Variants in NFASC observed in about 807,000 individuals in gnomAD.
The protein encoded by NFASC is neurofascin.
NFASC carries 43 observed loss-of-function variants against 147.5 expected under a neutral mutation model. The ratio of observed to expected loss-of-function variants is 0.29; its 90% confidence interval spans 0.23 to 0.38. NFASC has a LOEUF of 0.38. Ranked by LOEUF, NFASC falls within the 10% of genes least tolerant of loss-of-function variation. NFASC has a pLI of 1.00. For synonymous variants in NFASC, 622 were observed against 665.5 expected (o/e 0.93, Z 1.01); for missense variants, 1,320 against 1,689.0 (o/e 0.78, Z 3.83).
chr1:204,976,530 G>A, intron 15 of NFASC, 141 bp from the exon 16 acceptor site: 1 of 654,318 alleles, frequency 1.5e-6, no homozygotes, highest in Non-Finnish European at 2.8e-6. Context: ...CTCTGTCAAA[G>A]CATTGAGAGG....
chr1:204,955,125 A>G (rs1465725275), intron 7 of NFASC, among the ~76,000 whole-genome samples, 174 bp downstream of exon 7: 1 of 152,040 alleles, frequency 6.6e-6, no homozygotes, highest in East Asian at 1.9e-4. Flanking sequence ...GCTTGGGCTT[A>G]TTTTCTAGCC....
intron 8 of NFASC, among the ~76,000 whole-genome samples, chr1:204,965,382 A>G (rs1370078598): frequency 6.6e-6 from 1 of 152,156 alleles, no homozygotes; most frequent in African/African-American, 2.4e-5. Context: ...CAGCTCTAGT[A>G]TCCTTCCTAG....
intron 1 of NFASC, among the ~76,000 whole-genome samples, chr1:204,833,084 C>G (rs1278989412): frequency 6.6e-6 from 1 of 152,184 alleles, no homozygotes; most frequent in Non-Finnish European, 1.5e-5. Flanking sequence ...CTTTGCTGAC[C>G]CAGGACATTG....
Position 204,979,228 on chromosome 1 carries a change from T to A in NFASC, c.1979-134T>A. 1.0e-6 allele frequency: 1 copy of A among 963,030 alleles called. No individual in the cohort carries two copies. The highest frequency in any genetic ancestry group is 1.6e-6 in the Non-Finnish European group (1 of 616,960). The allele number at this position is 963,030 out of a possible 1,614,324, so 59.7% of individuals were successfully genotyped here. On this transcript the variant is annotated intron_variant, in intron 18 of 29. Transcript: ENST00000339876. This position sits in a 1 kb window ranked among gnomAD's most constrained non-coding sequence, Gnocchi z 6.0. The stretch of plus-strand genomic sequence containing the variant: ...AGGCCTTGGTGTCTCTTCCTGTGCC[T>A]TGGGAAGAATTCTCCTTGTGCCTTT...
At chr1:204,938,048 T>C (rs2093026429) in intron 2 of NFASC, among the ~76,000 whole-genome samples, 1 of 152,188 alleles carries the variant, frequency 6.6e-6, no homozygotes, top group Non-Finnish European at 1.5e-5. Flanking sequence ...TCCTTGTCAC[T>C]TCAGATGTGT....
intron 1 of NFASC, among the ~76,000 whole-genome samples, chr1:204,907,263 G>A (rs912309664): frequency 5.3e-5 from 8 of 152,168 alleles, no homozygotes; most frequent in Non-Finnish European, 1.2e-4. Flanking sequence ...CATCTTCAAT[G>A]AAGTGTCTGT....
At chr1:204,924,576 G>A (rs139339331) in intron 2 of NFASC, among the ~76,000 whole-genome samples, 176 of 152,312 alleles carry the variant, frequency 1.2e-3, no homozygotes, top group African/African-American at 3.7e-3. Context: ...AGAAACCATG[G>A]CAAAGGCAGG....
At chr1:204,854,486 C>T (rs967380851) in intron 1 of NFASC, among the ~76,000 whole-genome samples, 1 of 152,074 alleles carries the variant, frequency 6.6e-6, no homozygotes, top group Non-Finnish European at 1.5e-5. Flanking sequence ...AGGGAGGGGA[C>T]CCTGGGACAG....
At chr1:205,003,464 ATC>A (rs932055290) in intron 27 of NFASC, among the ~76,000 whole-genome samples, 41 of 152,206 alleles carry the variant, frequency 2.7e-4, no homozygotes, top group Non-Finnish European at 2.9e-5. Context: ...AGGTTCAGCA[ATC>A]TCTGTGCTAG....
chr1:204,952,149 C>T (rs767675813), intron 5 of NFASC, 33 bp downstream of exon 5: 10 of 1,501,692 alleles, frequency 6.7e-6, no homozygotes, highest in African/African-American at 5.5e-5. Flanking sequence ...GCATTGAAAC[C>T]ACCCGCTTGC....
At chr1:204,874,392 G>A (rs886855300) in intron 1 of NFASC, among the ~76,000 whole-genome samples, 3 of 152,240 alleles carry the variant, frequency 2.0e-5, no homozygotes, top group East Asian at 1.9e-4. Flanking sequence ...GGTGAGCATC[G>A]TCTTCTGGTG....
chr1:204,936,277 C>G (rs1464110985), intron 2 of NFASC, among the ~76,000 whole-genome samples: 1 of 138,846 alleles, frequency 7.2e-6, no homozygotes. Flanking sequence ...TCTTGGCTCA[C>G]TGCAACCTCC....
rs371036080 is a variant in NFASC, at chr1:204,975,306, G to A, written c.1594G>A (p.Val532Met). Residue 532 changes from valine (V) to methionine (M), a missense_variant, in exon 15 of 30, where the codon GTG becomes ATG. Val to Met is a conservative substitution (Grantham distance 21). This residue lies in a region of NFASC where 981 missense variants were observed against 1,289.5 expected (regional missense o/e 0.76). Transcript: ENST00000339876. The surrounding 1 kb of genome is among the most constrained non-coding windows in gnomAD (Gnocchi z 4.0). The part of the protein sequence containing the change: ...TRIYRMPEDQ[V>M]ARRGTTVQLE... ...GATCTACCGGATGCCCGAGGACCAG[G>A]TGGCCAGAAGGGGCACCACGGTGCA... 6.2e-7 allele frequency: 1 copy of A among 1,613,922 alleles called. No individual in the cohort carries two copies. The highest frequency in any genetic ancestry group is 2.2e-5 in the East Asian group (1 of 44,868).
intron 2 of NFASC, among the ~76,000 whole-genome samples, chr1:204,930,002 A>G (rs1417432642): frequency 6.6e-6 from 1 of 152,116 alleles, no homozygotes; most frequent in Non-Finnish European, 1.5e-5. Context: ...AGAGGGCAGG[A>G]GGGGAAGTGG....
intron 1 of NFASC, among the ~76,000 whole-genome samples, chr1:204,903,430 A>G (rs938123027): frequency 2.6e-5 from 4 of 152,228 alleles, no homozygotes; most frequent in Non-Finnish European, 5.9e-5. Context: ...ATTGAGGTCC[A>G]GTAGGGAAAC....
intron 1 of NFASC, among the ~76,000 whole-genome samples, chr1:204,834,990 C>T (rs188362510): frequency 1.3e-4 from 20 of 152,194 alleles, no homozygotes; most frequent in Admixed American, 9.8e-4. Context: ...TCATCATCAC[C>T]AAGCACCTGC....
intron 1 of NFASC, among the ~76,000 whole-genome samples, chr1:204,915,992 G>T (rs983008926): frequency 6.6e-6 from 1 of 152,210 alleles, no homozygotes; most frequent in Non-Finnish European, 1.5e-5. Flanking sequence ...CCTGTCATCA[G>T]TCCGACATGC....
chr1:204,870,030 G>A (rs1267194519), intron 1 of NFASC, among the ~76,000 whole-genome samples: 1 of 152,170 alleles, frequency 6.6e-6, no homozygotes, highest in African/African-American at 2.4e-5. Context: ...TGGGAATGCT[G>A]TTATCAGGGG....
At chr1:204,951,678 C>T (rs150230122) in intron 4 of NFASC, among the ~76,000 whole-genome samples, 2,923 of 151,720 alleles carry the variant, frequency 0.019, 112 homozygotes, top group African/African-American at 0.067. Flanking sequence ...ACCGTGTTAG[C>T]CAGGATGGTC....
Sources: allele counts gnomAD v4.1 joint callset (sites outside exome capture counted in the v4.1 genomes callset), GRCh38; gene constraint gnomAD v4.1.1; regional missense constraint gnomAD v4.1.1; non-coding constraint Gnocchi (gnomAD v3.1); transcripts MANE v1.5; gene names NCBI Gene and HGNC (gene_info 2026-07-23, HGNC 2026-07-21).